The following CELF2 variants were observed in gnomAD, a reference collection of about 807,000 sequenced individuals.
CELF2 encodes CUG triplet repeat RNA-binding protein 2.
Under a neutral mutation model 62.6 loss-of-function variants are expected in CELF2, and 8 were observed. The ratio of observed to expected loss-of-function variants is 0.13; its 90% confidence interval spans 0.07 to 0.23. The LOEUF is 0.23. Among genes scored for constraint, CELF2 ranks in the 10% least tolerant of loss-of-function variants. CELF2 has a pLI of 1.00. For synonymous variants in CELF2, 258 were observed against 250.0 expected, an observed-to-expected ratio of 1.03 and a Z score of -0.30; for missense variants, 333 against 671.0, an observed-to-expected ratio of 0.50 and a Z score of 5.56.
At chr10:10,655,197 C>A in the CELF2 span, among the ~76,000 whole-genome samples, 2 of 146,038 alleles carry the variant, frequency 1.4e-5, no homozygotes, top group Non-Finnish European at 1.5e-5. Flanking sequence ...GAACTACAAA[C>A]CACTGCTCAA....
chr10:11,209,614 T>A (rs757163260), intron 2 of CELF2, among the ~76,000 whole-genome samples: 1 of 151,946 alleles, frequency 6.6e-6, no homozygotes, highest in Non-Finnish European at 1.5e-5. Context: ...TTGAAAATTT[T>A]AATTCAGGGG....
the CELF2 span, among the ~76,000 whole-genome samples, chr10:10,693,489 C>T: frequency 1.3e-5 from 2 of 151,924 alleles, no homozygotes; most frequent in African/African-American, 4.8e-5. Flanking sequence ...GGCTGTGTCT[C>T]TGCCCGGCTT....
At chr10:10,819,315 G>A (rs2056761368) in intron 1 of CELF2, among the ~76,000 whole-genome samples, 1 of 152,154 alleles carries the variant, frequency 6.6e-6, no homozygotes, top group African/African-American at 2.4e-5. Flanking sequence ...GGGAACCTGA[G>A]TCAACTAAGG....
chr10:11,143,296 G>A (rs2061682775), intron 1 of CELF2, among the ~76,000 whole-genome samples: 1 of 152,158 alleles, frequency 6.6e-6, no homozygotes, highest in Non-Finnish European at 1.5e-5. Flanking sequence ...ATATCTTGCT[G>A]TTCTTTAATC....
intron 1 of CELF2, among the ~76,000 whole-genome samples, chr10:10,845,768 G>T (rs932922186): frequency 2.6e-5 from 4 of 152,082 alleles, no homozygotes; most frequent in Non-Finnish European, 5.9e-5. Flanking sequence ...TAAGATCTGA[G>T]CACTTTCATG....
chr10:11,158,237 A>G (rs2064955501), intron 1 of CELF2, among the ~76,000 whole-genome samples: 1 of 152,148 alleles, frequency 6.6e-6, no homozygotes, highest in African/African-American at 2.4e-5. Context: ...CTGGAAGGAT[A>G]CCCTAGACCT....
chr10:10,640,247 A>G, the CELF2 span, among the ~76,000 whole-genome samples: 2 of 152,210 alleles, frequency 1.3e-5, no homozygotes, highest in Non-Finnish European at 2.9e-5. Context: ...ATGTTTTGAC[A>G]ATATTGGATG....
At position 11,324,344 on chromosome 10, in the gene CELF2, C is replaced by G. The variant is rs1450752468; in HGVS notation, c.1295-1492C>G. ...CAAATCTGACCATCAGACATACCAC[C>G]CAGGATGTGCACACACAGCAGTGCT... On this transcript the variant is annotated intron_variant, in intron 11 of 12. Coordinates refer to ENST00000633077, the MANE Select transcript of CELF2 (RefSeq NM_001326342.2). The surrounding 1 kb of genome is among the most constrained non-coding windows in gnomAD (Gnocchi z 4.7). Among the ~76,000 whole-genome samples the G allele has an allele frequency of 6.6e-6, 1 of 152,158 alleles. No homozygotes were observed. The highest frequency in any genetic ancestry group is 2.4e-5 in the African/African-American group (1 of 41,410).
rs1294298576 is a variant in CELF2, at chr10:11,318,888, G to T, written c.1097-2301G>T. 2 of 471,140 alleles carry T rather than the reference G, an allele frequency of 4.2e-6. No homozygotes were observed. The highest frequency in any genetic ancestry group is 1.5e-5 in the South Asian group (1 of 64,566). 29.2% of individuals were successfully genotyped at this position (471,140 alleles called of 1,614,324 possible). ...CACATCGCAGGAAGGATCCCCCGTGGGTCTCACATGACAGGGCCTGAAAAC... is the reference window on the plus strand; with the variant it reads ...CACATCGCAGGAAGGATCCCCCGTGTGTCTCACATGACAGGGCCTGAAAAC... On this transcript the variant is annotated intron_variant, in intron 10 of 12. Transcript: ENST00000633077. The surrounding 1 kb of genome is among the most constrained non-coding windows in gnomAD (Gnocchi z 5.4).
the CELF2 span, among the ~76,000 whole-genome samples, chr10:10,593,519 G>C: frequency 6.6e-6 from 1 of 152,224 alleles, no homozygotes; most frequent in African/African-American, 2.4e-5. Context: ...ATTAGCCATA[G>C]CAAGTCACCG....
chr10:11,070,851 A>G (rs1813790858), intron 1 of CELF2, among the ~76,000 whole-genome samples: 1 of 152,334 alleles, frequency 6.6e-6, no homozygotes, highest in South Asian at 2.1e-4. Context: ...ACGAAAGAAC[A>G]AAAGTTTTGG....
At chr10:10,541,498 C>A in the CELF2 span, among the ~76,000 whole-genome samples, 1 of 152,118 alleles carries the variant, frequency 6.6e-6, no homozygotes, top group African/African-American at 2.4e-5. Context: ...ATGGCTATTT[C>A]TTGATTACAT....
chr10:11,250,278 G>A (rs568282960), intron 4 of CELF2, among the ~76,000 whole-genome samples: 32 of 152,344 alleles, frequency 2.1e-4, no homozygotes, highest in African/African-American at 7.5e-4. Flanking sequence ...GGAGGCCAAG[G>A]CAGGAGGATC....
chr10:10,472,570 A>G, the CELF2 span, among the ~76,000 whole-genome samples: 1 of 151,756 alleles, frequency 6.6e-6, no homozygotes, highest in East Asian at 1.9e-4. Flanking sequence ...GTCAGTTTCT[A>G]TTTATTGTTT....
At chr10:10,498,103 G>A in the CELF2 span, among the ~76,000 whole-genome samples, 1 of 152,186 alleles carries the variant, frequency 6.6e-6, no homozygotes, top group Non-Finnish European at 1.5e-5. Context: ...TGAAGAGGGA[G>A]AGAAAGAAGA....
At chr10:11,186,548 T>G (rs1218801693) in intron 2 of CELF2, among the ~76,000 whole-genome samples, 3 of 152,206 alleles carry the variant, frequency 2.0e-5, no homozygotes, top group Non-Finnish European at 2.9e-5. Context: ...TGAAAATACT[T>G]CCTAATTTCT....
Position 11,086,578 on chromosome 10 carries a change from T to TAAAAAAAAAAAAAAAA in CELF2, c.74+68432_74+68447dup, listed in dbSNP as rs1168932032. ...AATCCATGTCTCCATTTGCATTTGT[T>TAAAAAAAAAAAAAAAA]AAAAAAAAAAAAAAAAAAAAAAAAA... On this transcript the variant is annotated intron_variant, in intron 1 of 12. Coordinates refer to ENST00000633077, the MANE Select transcript of CELF2 (RefSeq NM_001326342.2). 5.4e-4 allele frequency among the ~76,000 whole-genome samples: 39 copies of TAAAAAAAAAAAAAAAA among 71,984 alleles called. 7 individuals are homozygous for TAAAAAAAAAAAAAAAA. The highest frequency in any genetic ancestry group is 4.7e-3 in the East Asian group (6 of 1,266). The allele number at this position is 71,984 out of a possible 152,430, so 47.2% of individuals were successfully genotyped here.
the CELF2 span, among the ~76,000 whole-genome samples, chr10:10,721,203 G>T: frequency 6.6e-6 from 1 of 152,176 alleles, no homozygotes; most frequent in African/African-American, 2.4e-5. Flanking sequence ...TGCACTATTT[G>T]GGGAGAGAAG....
the CELF2 span, among the ~76,000 whole-genome samples, chr10:10,769,925 TA>T: frequency 6.6e-6 from 1 of 152,118 alleles, no homozygotes; most frequent in Non-Finnish European, 1.5e-5. Flanking sequence ...AGACTAGACT[TA>T]ATTGCTGTAC....
Sources: gnomAD v4.1 joint callset for allele counts (sites outside exome capture counted in the v4.1 genomes callset) on GRCh38, gnomAD v4.1.1 for gene constraint, Gnocchi (gnomAD v3.1) non-coding constraint, MANE v1.5 for transcripts, NCBI Gene and HGNC (gene_info 2026-07-23, HGNC 2026-07-21) for gene names.